TEC: variants seen among roughly 807,000 people sequenced by gnomAD.
TEC encodes the protein tec protein tyrosine kinase, also known as tyrosine-protein kinase Tec.
TEC carries 72 observed loss-of-function variants against 93.0 expected under a neutral mutation model. The observed-to-expected ratio is 0.77, with a 90% CI of 0.64 to 0.94. The LOEUF (loss-of-function observed/expected upper bound fraction) is 0.94. Among genes scored for constraint, TEC ranks in the 40% least tolerant of loss-of-function variants. TEC has a pLI of 0.00. For missense variants in TEC, 630 were observed against 757.9 expected (o/e 0.83, Z 1.98); for synonymous variants, 249 against 247.7 (o/e 1.01, Z -0.05).
chr4:48,196,501 G>A (rs577558187), intron 2 of TEC, among the ~76,000 whole-genome samples: 41 of 152,320 alleles, frequency 2.7e-4, no homozygotes, highest in Non-Finnish European at 3.5e-4. Context: ...GAAGAACGCT[G>A]ACAAACAGTT....
chr4:48,148,815 C>A (rs896019447), intron 11 of TEC, among the ~76,000 whole-genome samples: 2 of 152,210 alleles, frequency 1.3e-5, no homozygotes, highest in African/African-American at 4.8e-5. Flanking sequence ...CTGATCCTCT[C>A]TGTCCTCCCA....
At chr4:48,249,009 A>G (rs1236589403) in intron 1 of TEC, among the ~76,000 whole-genome samples, 2 of 152,154 alleles carry the variant, frequency 1.3e-5, no homozygotes, top group Non-Finnish European at 2.9e-5. Flanking sequence ...AATATCAGAG[A>G]TTAAAGAATT....
chr4:48,149,480 C>T, intron 11 of TEC, 77 bp downstream of exon 11: 1 of 1,380,008 alleles, frequency 7.2e-7, no homozygotes, highest in South Asian at 1.7e-5. Flanking sequence ...AATAAAACTG[C>T]TCAAGGAATT....
chr4:48,207,848 C>A (rs377054521), intron 2 of TEC, among the ~76,000 whole-genome samples: 8 of 152,224 alleles, frequency 5.3e-5, no homozygotes, highest in South Asian at 2.1e-4. Context: ...GCTCTTAACT[C>A]CTTTCCCTTA....
At position 48,202,195 on chromosome 4, in the gene TEC, T is replaced by C. The variant is rs183903719; in HGVS notation, c.139-26009A>G. ...TTATCTTCAGTTTTTCATTTTTAAA[T>C]AAATAAACGTGTAAAGGCATATGGG... On this transcript the variant is annotated intron_variant, in intron 2 of 17. Coordinates refer to ENST00000381501, the MANE Select transcript of TEC (RefSeq NM_003215.3). 1.9e-3 allele frequency among the ~76,000 whole-genome samples: 282 copies of C among 152,178 alleles called. 1 individual carries two copies. The Middle Eastern group carries it at 0.034, about 18-fold the overall frequency.
intron 2 of TEC, among the ~76,000 whole-genome samples, chr4:48,206,475 A>C (rs1018847529): frequency 6.6e-6 from 1 of 152,212 alleles, no homozygotes; most frequent in African/African-American, 2.4e-5. Flanking sequence ...AAAGAACAGA[A>C]AACCTAAGAA....
At chr4:48,259,573 G>C (rs1351619330) in intron 1 of TEC, among the ~76,000 whole-genome samples, 1 of 151,980 alleles carries the variant, frequency 6.6e-6, no homozygotes, top group Admixed American at 6.5e-5. Flanking sequence ...AAAAATAGCC[G>C]GGCGTGGTGG....
chr4:48,187,655 C>A lies in TEC; in HGVS notation c.139-11469G>T, dbSNP rs117777057. Among the ~76,000 whole-genome samples the A allele has an allele frequency of 6.6e-4, 100 of 152,198 alleles. No individual in the cohort carries two copies. In the East Asian group the frequency reaches 0.017, roughly 26 times the overall value. ...CCTCTTCACAACTCTCCTTTGTGGC[C>A]CCAGAGCTAAAACCTATCACCAGAT... is the stretch of plus-strand genomic sequence containing the variant. On this transcript the variant is annotated intron_variant, in intron 2 of 17. Transcript: ENST00000381501.
intron 3 of TEC, among the ~76,000 whole-genome samples, chr4:48,174,826 A>G (rs1157963191): frequency 1.3e-5 from 2 of 152,202 alleles, no homozygotes; most frequent in African/African-American, 4.8e-5. Context: ...GTAGTAAGAG[A>G]ATAGCAATAG....
chr4:48,161,259 C>G (rs1720643815), intron 8 of TEC, among the ~76,000 whole-genome samples: 1 of 152,176 alleles, frequency 6.6e-6, no homozygotes, highest in Non-Finnish European at 1.5e-5. Flanking sequence ...TTCTCTAATT[C>G]TGCCCTTCTA....
intron 2 of TEC, among the ~76,000 whole-genome samples, chr4:48,200,219 C>CA (rs1722454898): frequency 6.7e-6 from 1 of 148,380 alleles, no homozygotes; most frequent in Non-Finnish European, 1.5e-5. Context: ...AGGTAATGTA[C>CA]ATGCTTCAAC....
At chr4:48,217,196 C>G (rs1414637537) in intron 2 of TEC, among the ~76,000 whole-genome samples, 2 of 152,118 alleles carry the variant, frequency 1.3e-5, no homozygotes. Context: ...CTCTGCCTCC[C>G]AGGTTCAAAC....
At chr4:48,249,675 T>TTGACTTCATGATCTTTCTGC (rs1203529494) in intron 1 of TEC, among the ~76,000 whole-genome samples, 1 of 152,214 alleles carries the variant, frequency 6.6e-6, no homozygotes, top group Non-Finnish European at 1.5e-5. Flanking sequence ...GCCCTGCTTC[T>TTGACTTCATGATCTTTCTGC]TGACTTCATG....
At chr4:48,253,959 C>A (rs1724274967) in intron 1 of TEC, among the ~76,000 whole-genome samples, 1 of 152,100 alleles carries the variant, frequency 6.6e-6, no homozygotes. Flanking sequence ...TGTACCAGGT[C>A]TTTTCATATC....
intron 7 of TEC, among the ~76,000 whole-genome samples, chr4:48,164,283 G>A (rs550347259): frequency 1.3e-4 from 20 of 152,072 alleles, no homozygotes; most frequent in Non-Finnish European, 1.2e-4. Flanking sequence ...CTGGCCTTTC[G>A]GTCAGTATCA....
chr4:48,221,429 G>A (rs1723257709), intron 2 of TEC, among the ~76,000 whole-genome samples: 3 of 152,164 alleles, frequency 2.0e-5, no homozygotes, highest in Admixed American at 2.0e-4. Flanking sequence ...CATGCGAAGA[G>A]GTATGTGTTT....
At chr4:48,243,967 TAAA>T (rs11386785) in intron 1 of TEC, among the ~76,000 whole-genome samples, 1 of 132,658 alleles carries the variant, frequency 7.5e-6, no homozygotes, top group African/African-American at 2.8e-5. Context: ...AAAGTATAAT[TAAA>T]AAAAAAAAAA....
At chr4:48,167,190 CA>C (rs1008684779) in intron 7 of TEC, among the ~76,000 whole-genome samples, 1 of 151,294 alleles carries the variant, frequency 6.6e-6, no homozygotes, top group African/African-American at 2.4e-5. Context: ...TTAACTTGTA[CA>C]AAAAAAAGCT....
intron 1 of TEC, among the ~76,000 whole-genome samples, chr4:48,239,216 T>C (rs1225889850): frequency 6.6e-6 from 1 of 151,984 alleles, no homozygotes; most frequent in East Asian, 1.9e-4. Context: ...TGTCAGAAAA[T>C]GATATCAAGA....
Sources: allele counts gnomAD v4.1 joint callset (sites outside exome capture counted in the v4.1 genomes callset), GRCh38; gene constraint gnomAD v4.1.1; transcripts MANE v1.5; gene names NCBI Gene and HGNC (gene_info 2026-07-23, HGNC 2026-07-21).